RNF141: variants seen among roughly 807,000 people sequenced by gnomAD.
RNF141 encodes the protein C3HC4-like zinc finger protein.
Under a neutral mutation model 27.4 loss-of-function variants are expected in RNF141, and 18 were observed. That is an observed-to-expected ratio of 0.66 (90% confidence interval 0.45 to 0.97). RNF141 has a LOEUF of 0.97. RNF141 is among the 50% of genes least tolerant of loss of function. RNF141 has a pLI of 0.00. For missense variants in RNF141, 230 were observed against 279.4 expected, an observed-to-expected ratio of 0.82 and a Z score of 1.26; for synonymous variants, 97 against 96.6, an observed-to-expected ratio of 1.00 and a Z score of -0.02.
At chr11:10,523,057 G>A (rs899122145) in intron 4 of RNF141, among the ~76,000 whole-genome samples, 1 of 152,226 alleles carries the variant, frequency 6.6e-6, no homozygotes, top group African/African-American at 2.4e-5. Flanking sequence ...GTATGAAAAG[G>A]CTTGCTTTTT....
At chr11:10,524,844 T>A (rs1849918073) in intron 4 of RNF141, among the ~76,000 whole-genome samples, 1 of 152,216 alleles carries the variant, frequency 6.6e-6, no homozygotes, top group Non-Finnish European at 1.5e-5. Flanking sequence ...GCCAAATTCT[T>A]TGACCTAATT....
intron 5 of RNF141, chr11:10,516,078 G>A (rs1016610730): frequency 6.6e-6 from 1 of 152,074 alleles, no homozygotes; most frequent in Non-Finnish European, 1.5e-5. Flanking sequence ...ACTGCTCTTT[G>A]GCTTTTATGC....
intron 5 of RNF141, chr11:10,515,409 C>T: frequency 5.5e-6 from 1 of 182,930 alleles, no homozygotes. Flanking sequence ...TTAACATACA[C>T]TGTATCGCTA....
intron 4 of RNF141, among the ~76,000 whole-genome samples, chr11:10,524,813 T>A (rs1045018862): frequency 6.6e-6 from 1 of 150,968 alleles, no homozygotes; most frequent in Non-Finnish European, 1.5e-5. Context: ...AGACATTTTT[T>A]AAAAAAAGTG....
intron 1 of RNF141, among the ~76,000 whole-genome samples, chr11:10,536,103 A>T (rs1166037384): frequency 6.6e-6 from 1 of 152,232 alleles, no homozygotes; most frequent in East Asian, 1.9e-4. Context: ...GTGCTAGGTG[A>T]ACAAGTACAG....
intron 1 of RNF141, among the ~76,000 whole-genome samples, chr11:10,536,569 T>G (rs567394407): frequency 1.3e-5 from 2 of 152,192 alleles, no homozygotes; most frequent in African/African-American, 2.4e-5. Flanking sequence ...AAAACACATA[T>G]GTAAGATGTG....
chr11:10,533,160 T>C (rs34553542), intron 2 of RNF141, among the ~76,000 whole-genome samples: 2,123 of 152,262 alleles, frequency 0.014, 28 homozygotes, highest in Non-Finnish European at 0.021. Context: ...GAGGCAGATT[T>C]AAAAGAAAGA....
At chr11:10,538,620 C>T (rs1850057808) in intron 1 of RNF141, among the ~76,000 whole-genome samples, 1 of 152,234 alleles carries the variant, frequency 6.6e-6, no homozygotes, top group African/African-American at 2.4e-5. Flanking sequence ...GGCAGATACA[C>T]AAGCACTCAA....
intron 3 of RNF141, among the ~76,000 whole-genome samples, chr11:10,526,706 CA>C (rs984037568): frequency 6.6e-6 from 1 of 151,174 alleles, no homozygotes; most frequent in African/African-American, 2.4e-5. Context: ...TCACTTGAAC[CA>C]GGAGGCGGAG....
rs78454694 is a variant in RNF141 at position 10,529,967 on chromosome 11, C to T, written c.252+676G>A. On this transcript the variant is annotated intron_variant, in intron 3 of 5. Coordinates refer to ENST00000265981, the MANE Select transcript of RNF141 (RefSeq NM_016422.4). ...ACCCAGGGAATCTTTATGGGTCAGT[C>T]GGGAATGAACTTCAGAGCGCTCATG... 1.3e-4 allele frequency among the ~76,000 whole-genome samples: 20 copies of T among 152,180 alleles called. No homozygotes were observed. In the East Asian group the frequency reaches 1.5e-3, roughly 12 times the overall value.
chr11:10,513,260 A>T lies in RNF141; in HGVS notation c.*1656T>A, dbSNP rs1464169926. ...GCGAAATCAAGCTACCCCTGGCCAGATGTTTTTCCTTGAAATTGATTTGAA... is the reference window on the plus strand; with the variant it reads ...GCGAAATCAAGCTACCCCTGGCCAGTTGTTTTTCCTTGAAATTGATTTGAA... On this transcript the variant is annotated 3_prime_UTR_variant, in exon 6 of 6. Transcript: ENST00000265981. The T allele has an allele frequency of 6.6e-6, 1 of 152,204 alleles. No homozygotes were observed. Among genetic ancestry groups the T allele is most frequent in the South Asian group, 2.1e-4 (1 of 4,834 alleles). 9.4% of individuals were successfully genotyped at this position (152,204 alleles called of 1,614,324 possible).
At chr11:10,526,502 G>A (rs909703315) in intron 3 of RNF141, among the ~76,000 whole-genome samples, 1 of 152,058 alleles carries the variant, frequency 6.6e-6, no homozygotes, top group Non-Finnish European at 1.5e-5. Flanking sequence ...TGAGTCATGC[G>A]GCCAGGCACG....
rs548878351 is a variant in RNF141, at chr11:10,512,056, A to T, written c.*2860T>A. 6.5e-6 allele frequency: 1 copy of T among 152,800 alleles called. No individual in the cohort carries two copies. Among genetic ancestry groups the T allele is most frequent in the African/African-American group, 2.4e-5 (1 of 41,592 alleles). 9.5% of individuals were successfully genotyped at this position (152,800 alleles called of 1,614,324 possible). Reference sequence around the variant, plus strand: ...ATTCATTTTCTCAAACTAAGGTTCTATACATAATCGGAGTAAACCCTCTGT... The same window carrying T: ...ATTCATTTTCTCAAACTAAGGTTCTTTACATAATCGGAGTAAACCCTCTGT... On this transcript the variant is annotated 3_prime_UTR_variant, in exon 6 of 6. Transcript: ENST00000265981.
intron 3 of RNF141, among the ~76,000 whole-genome samples, chr11:10,527,385 G>A (rs1006309853): frequency 1.3e-5 from 2 of 151,504 alleles, no homozygotes; most frequent in African/African-American, 2.4e-5. Context: ...AGAACTGAAA[G>A]GTGCAGAAAT....
chr11:10,519,988 C>CA (rs1329978349), intron 4 of RNF141, among the ~76,000 whole-genome samples: 1 of 151,858 alleles, frequency 6.6e-6, no homozygotes, highest in African/African-American at 2.4e-5. Flanking sequence ...AAAAAAATTG[C>CA]AAAAAAATCT....
Position 10,525,282 on chromosome 11 carries a change from G to A in RNF141, c.344C>T (p.Ala115Val), listed in dbSNP as rs756302960. The change falls in exon 4 of 6, where the codon GCA becomes GTA. Residue 115 changes from alanine (A) to valine (V), a missense_variant. Ala to Val is a moderately conservative substitution (Grantham distance 64). Coordinates refer to ENST00000265981, the MANE Select transcript of RNF141 (RefSeq NM_016422.4). ...GGTGGAGCTCTGTGCCAATACTCCTGCTGCTTGACTTGTGATATCTTTATA... is the reference window on the plus strand; with the variant it reads ...GGTGGAGCTCTGTGCCAATACTCCTACTGCTTGACTTGTGATATCTTTATA... ...QLYKDITSQA[A>V]GVLAQSSTSE... 6.2e-7 allele frequency: 1 copy of A among 1,613,104 alleles called. No homozygotes were observed. The highest frequency in any genetic ancestry group is 1.1e-5 in the South Asian group (1 of 90,958).
chr11:10,533,918 T>C (rs889776823), intron 2 of RNF141, 98 bp downstream of exon 2: 6 of 1,091,482 alleles, frequency 5.5e-6, no homozygotes, highest in East Asian at 5.1e-5. Context: ...CATTAAGTCT[T>C]ACCAATCAAC....
intron 2 of RNF141, among the ~76,000 whole-genome samples, chr11:10,532,496 T>TACAC (rs10559393): frequency 0.068 from 8,857 of 131,054 alleles, 289 homozygotes; most frequent in Middle Eastern, 0.077. Context: ...GTTCATTTTC[T>TACAC]ACACACACAC....
rs1849824647 is a variant in RNF141, at chr11:10,514,149, G to A, written c.*767C>T. ...CCTTCTGAAACTCCAAGATGTGTGA[G>A]CATTATCAAAGCCATTTAGAACAGT... On this transcript the variant is annotated 3_prime_UTR_variant, in exon 6 of 6. Coordinates refer to ENST00000265981, the MANE Select transcript of RNF141 (RefSeq NM_016422.4). 1 of 152,186 alleles carries A rather than the reference G, an allele frequency of 6.6e-6. No homozygotes were observed. The highest frequency in any genetic ancestry group is 1.5e-5 in the Non-Finnish European group (1 of 68,036). The allele number at this position is 152,186 out of a possible 1,614,324, so 9.4% of individuals were successfully genotyped here. A position where few individuals can be genotyped will look rare whatever the true frequency, so the allele number is the denominator to read the frequency against.
Sources: gnomAD v4.1 joint callset for allele counts (sites outside exome capture counted in the v4.1 genomes callset) on GRCh38, gnomAD v4.1.1 for gene constraint, MANE v1.5 for transcripts, NCBI Gene and HGNC (gene_info 2026-07-23, HGNC 2026-07-21) for gene names.